The following TRPM7 variants were observed in gnomAD, a reference collection of about 807,000 sequenced individuals.
TRPM7 encodes transient receptor potential cation channel subfamily M member 7, also known as LTRPC ion channel family member 7.
Under a neutral mutation model 229.7 loss-of-function variants are expected in TRPM7, and 134 were observed. That is an observed-to-expected ratio of 0.58 (90% CI 0.51 to 0.67). The LOEUF (loss-of-function observed/expected upper bound fraction) is 0.67. TRPM7 is among the 30% of genes least tolerant of loss of function. The pLI, the probability that TRPM7 is intolerant of heterozygous loss-of-function variation, is 0.00. For synonymous variants in TRPM7, 699 were observed against 715.2 expected (o/e 0.98, Z 0.36); for missense variants, 1,901 against 2,210.0 (o/e 0.86, Z 2.80).
intron 24 of TRPM7, among the ~76,000 whole-genome samples, chr15:50,594,187 G>A (rs74754914): frequency 0.016 from 2,413 of 152,142 alleles, 63 homozygotes; most frequent in African/African-American, 0.055. Flanking sequence ...AAAGAAGTTC[G>A]GTTTACATTA....
At chr15:50,628,037 T>C (rs895798378) in intron 11 of TRPM7, 112 bp downstream of exon 11, 6 of 743,416 alleles carry the variant, frequency 8.1e-6, no homozygotes, top group Non-Finnish European at 1.4e-5. Context: ...CTAAACTATT[T>C]TTGAACTATT....
intron 1 of TRPM7, among the ~76,000 whole-genome samples, chr15:50,680,723 A>C (rs941757137): frequency 6.6e-6 from 1 of 151,862 alleles, no homozygotes. Flanking sequence ...TAACTTTTTT[A>C]AAAAAAACCT....
chr15:50,576,331 C>T (rs1411192007), intron 31 of TRPM7, among the ~76,000 whole-genome samples: 1 of 152,102 alleles, frequency 6.6e-6, no homozygotes, highest in Non-Finnish European at 1.5e-5. Flanking sequence ...AAAAGCCCTT[C>T]CCCCATCTTT....
chr15:50,578,498 T>A, intron 31 of TRPM7, 141 bp downstream of exon 31: 1 of 567,780 alleles, frequency 1.8e-6, no homozygotes, highest in South Asian at 3.3e-5. Context: ...GGAGAAAGTA[T>A]ATGAGGGAAG....
At chr15:50,612,292 T>C (rs1485584024) in intron 16 of TRPM7, among the ~76,000 whole-genome samples, 1 of 152,210 alleles carries the variant, frequency 6.6e-6, no homozygotes, top group Admixed American at 6.5e-5. Flanking sequence ...GGTCTGCCTA[T>C]GTTGCCCAGG....
At chr15:50,680,993 C>A (rs939110458) in intron 1 of TRPM7, among the ~76,000 whole-genome samples, 1 of 152,074 alleles carries the variant, frequency 6.6e-6, no homozygotes, top group African/African-American at 2.4e-5. Context: ...TGGCTCATGC[C>A]TGTAATCCCA....
chr15:50,585,741 T>C (rs2059324662), intron 28 of TRPM7, among the ~76,000 whole-genome samples: 1 of 152,198 alleles, frequency 6.6e-6, no homozygotes, highest in Admixed American at 6.5e-5. Context: ...TAGTACTATT[T>C]TTCTTAAGGA....
chr15:50,608,924 A>G (rs904609050), intron 19 of TRPM7, among the ~76,000 whole-genome samples: 3 of 152,228 alleles, frequency 2.0e-5, no homozygotes, highest in African/African-American at 7.2e-5. Flanking sequence ...CAGCCAACTA[A>G]TATTTCCTAG....
rs1157207229 is a variant in TRPM7, at chr15:50,613,812, A to C, written c.1665T>G (p.Thr555=). 1 of 1,613,258 alleles carries C rather than the reference A, an allele frequency of 6.2e-7. No individual in the cohort carries two copies. The highest frequency in any genetic ancestry group is 1.1e-5 in the South Asian group (1 of 90,796). Residue 555 remains threonine, a synonymous_variant, in exon 15 of 39, where the codon ACT becomes ACG. Coordinates refer to ENST00000646667, the MANE Select transcript of TRPM7 (RefSeq NM_017672.6). ...ATTCATGACTCTTTCGCAACTGAGG[A>C]GTGCTGCTGGAGGTATTTCGGCCAG... ...RRSGRNTSSS[T]PQLRKSHESF...
At chr15:50,674,480 G>A (rs2062052492) in intron 1 of TRPM7, among the ~76,000 whole-genome samples, 1 of 152,062 alleles carries the variant, frequency 6.6e-6, no homozygotes, top group South Asian at 2.1e-4. Context: ...ATATGTTTTT[G>A]TACTATGTAT....
intron 23 of TRPM7, among the ~76,000 whole-genome samples, chr15:50,595,704 T>C (rs2059613778): frequency 6.6e-6 from 1 of 151,312 alleles, no homozygotes; most frequent in Non-Finnish European, 1.5e-5. Flanking sequence ...CTACTAAAAA[T>C]ACAAAAAAAA....
At chr15:50,606,853 A>G (rs1425610147) in intron 20 of TRPM7, among the ~76,000 whole-genome samples, 1 of 152,210 alleles carries the variant, frequency 6.6e-6, no homozygotes, top group Non-Finnish European at 1.5e-5. Flanking sequence ...TAGGTAAATT[A>G]AAAGTCATTT....
chr15:50,578,027 A>T (rs1004788185), intron 31 of TRPM7, among the ~76,000 whole-genome samples: 2 of 152,202 alleles, frequency 1.3e-5, no homozygotes, highest in Admixed American at 6.5e-5. Context: ...TCACACACGC[A>T]CATACACCCC....
intron 38 of TRPM7, among the ~76,000 whole-genome samples, chr15:50,567,108 T>A (rs1424952008): frequency 6.6e-6 from 1 of 152,102 alleles, no homozygotes; most frequent in Non-Finnish European, 1.5e-5. Context: ...AACAATTTGA[T>A]AATCAACAGT....
In TRPM7 at chr15:50,644,544, T is replaced by C. The variant is rs546211887; in HGVS notation, c.322-991A>G. Among the ~76,000 whole-genome samples, 3 of 152,296 alleles carry C rather than the reference T, an allele frequency of 2.0e-5. No homozygotes were observed. In the East Asian group the frequency reaches 5.8e-4, roughly 29 times the overall value. ...AAGGCCAGGCACAGTGGCTCACGCC[T>C]GTAATCCCAGCACTGTGGGAGGCCA... is the stretch of plus-strand genomic sequence containing the variant. On this transcript the variant is annotated intron_variant, in intron 4 of 38. Coordinates refer to ENST00000646667, the MANE Select transcript of TRPM7 (RefSeq NM_017672.6).
At chr15:50,683,611 G>C (rs28439615) in intron 1 of TRPM7, among the ~76,000 whole-genome samples, 3 of 152,096 alleles carry the variant, frequency 2.0e-5, no homozygotes, top group Non-Finnish European at 4.4e-5. Flanking sequence ...GTGGACGCCT[G>C]TAATCCCAGC....
chr15:50,582,270 T>C (rs2054456819), intron 29 of TRPM7, among the ~76,000 whole-genome samples: 1 of 152,194 alleles, frequency 6.6e-6, no homozygotes, highest in African/African-American at 2.4e-5. Flanking sequence ...CCACCGAGTT[T>C]TTTTTTTATT....
rs374971660 is a variant in TRPM7 at position 50,677,321 on chromosome 15, T to G, written c.3+9210A>C. ...TGATTACCTCCATCTCCCAAAGTTCTCATCTCCAAATACCATCACACTGGA... is the reference window on the plus strand; with the variant it reads ...TGATTACCTCCATCTCCCAAAGTTCGCATCTCCAAATACCATCACACTGGA... On this transcript the variant is annotated intron_variant, in intron 1 of 38. Coordinates refer to ENST00000646667, the MANE Select transcript of TRPM7 (RefSeq NM_017672.6). Among the ~76,000 whole-genome samples the G allele has an allele frequency of 1.7e-4, 26 of 152,104 alleles. No individual in the cohort carries two copies. In the South Asian group the frequency reaches 5.4e-3, roughly 32 times the overall value.
intron 1 of TRPM7, among the ~76,000 whole-genome samples, chr15:50,679,536 ATATTTTTTT>A (rs2062195592): frequency 2.0e-5 from 1 of 48,958 alleles, no homozygotes; most frequent in Non-Finnish European, 3.5e-5. Context: ...ATATATATAT[ATATTTTTTT>A]TTTTTTTTGA....
Sources: gnomAD v4.1 joint callset for allele counts (sites outside exome capture counted in the v4.1 genomes callset) on GRCh38, gnomAD v4.1.1 for gene constraint, MANE v1.5 for transcripts, NCBI Gene and HGNC (gene_info 2026-07-23, HGNC 2026-07-21) for gene names.